OXSR1: variants seen among roughly 807,000 people sequenced by gnomAD.
OXSR1 encodes the protein oxidative stress responsive kinase 1, also known as serine/threonine-protein kinase OSR1.
Under a neutral mutation model 79.8 loss-of-function variants are expected in OXSR1, and 24 were observed. That is an observed-to-expected ratio of 0.30 (90% CI 0.22 to 0.42). The LOEUF (loss-of-function observed/expected upper bound fraction) is 0.42, where lower values mean the gene tolerates loss of function less well. OXSR1 is among the 10% of genes least tolerant of loss of function. The pLI, the probability that OXSR1 is intolerant of heterozygous loss-of-function variation, is 1.00. For missense variants in OXSR1, 430 were observed against 618.4 expected, an observed-to-expected ratio of 0.70 and a Z score of 3.23; for synonymous variants, 226 against 209.2, an observed-to-expected ratio of 1.08 and a Z score of -0.69.
intron 1 of OXSR1, among the ~76,000 whole-genome samples, chr3:38,174,554 C>G (rs1340131796): frequency 3.3e-5 from 5 of 152,056 alleles, no homozygotes; most frequent in Non-Finnish European, 7.4e-5. Context: ...TGCACTCCAG[C>G]CTGGGTGACA....
At chr3:38,185,118 T>C (rs1701859607) in intron 2 of OXSR1, among the ~76,000 whole-genome samples, 1 of 150,414 alleles carries the variant, frequency 6.6e-6, no homozygotes, top group South Asian at 2.1e-4. Flanking sequence ...TAAGACTCCA[T>C]CTCTGAAAAA....
intron 10 of OXSR1, among the ~76,000 whole-genome samples, chr3:38,236,358 G>A (rs942061952): frequency 2.0e-5 from 3 of 152,042 alleles, no homozygotes. Context: ...TGAGTTGAAA[G>A]TGGTTGCCAG....
chr3:38,209,515 C>T (rs915305444), intron 4 of OXSR1, among the ~76,000 whole-genome samples: 9 of 152,106 alleles, frequency 5.9e-5, no homozygotes, highest in African/African-American at 1.7e-4. Context: ...CCTTCTGCCT[C>T]GGCCTTCCAA....
intron 11 of OXSR1, among the ~76,000 whole-genome samples, chr3:38,241,186 A>G (rs35593310): frequency 0.015 from 2,281 of 152,302 alleles, 30 homozygotes; most frequent in Non-Finnish European, 0.021. Context: ...GCAGATGAAC[A>G]TGGGATACAG....
chr3:38,169,970 G>A (rs1210459099), intron 1 of OXSR1, among the ~76,000 whole-genome samples: 2 of 151,152 alleles, frequency 1.3e-5, no homozygotes, highest in African/African-American at 4.9e-5. Flanking sequence ...TCGCTCAAGC[G>A]ATCTGCCTGC....
chr3:38,206,343 G>C (rs901695565), intron 4 of OXSR1, among the ~76,000 whole-genome samples: 4 of 152,066 alleles, frequency 2.6e-5, no homozygotes, highest in Admixed American at 6.5e-5. Flanking sequence ...CTTTTGAAAT[G>C]GCAGCATTTT....
At chr3:38,249,266 C>T (rs552182651) in intron 14 of OXSR1, among the ~76,000 whole-genome samples, 1 of 152,208 alleles carries the variant, frequency 6.6e-6, no homozygotes, top group Non-Finnish European at 1.5e-5. Context: ...ACAAAACCTC[C>T]AGGGATCCTG....
intron 13 of OXSR1, among the ~76,000 whole-genome samples, chr3:38,247,317 G>A (rs937678427): frequency 7.2e-5 from 11 of 152,144 alleles, no homozygotes; most frequent in African/African-American, 2.7e-4. Flanking sequence ...CTGCCATATG[G>A]TGCACTGGCA....
At chr3:38,252,187 G>T in intron 16 of OXSR1, 141 bp from the exon 17 acceptor site, 1 of 675,154 alleles carries the variant, frequency 1.5e-6, no homozygotes, top group Non-Finnish European at 2.7e-6. Context: ...CTTTCATTAG[G>T]GGAGTGATTA....
At chr3:38,207,315 A>G (rs1702285045) in intron 4 of OXSR1, among the ~76,000 whole-genome samples, 1 of 152,232 alleles carries the variant, frequency 6.6e-6, no homozygotes, top group Admixed American at 6.5e-5. Flanking sequence ...TAGTCTGGGC[A>G]TAAATGACAT....
At chr3:38,196,746 A>G (rs1464955594) in intron 3 of OXSR1, among the ~76,000 whole-genome samples, 4 of 152,158 alleles carry the variant, frequency 2.6e-5, no homozygotes, top group Admixed American at 2.6e-4. Context: ...CATTTGTTTC[A>G]TCTACCAGAC....
intron 15 of OXSR1, 94 bp from the exon 16 acceptor site, chr3:38,251,309 C>G: frequency 1.0e-6 from 1 of 990,638 alleles, no homozygotes; most frequent in South Asian, 1.3e-5. Flanking sequence ...CCAGCTTGGG[C>G]CTAGCATGGC....
At chr3:38,211,518 T>A (rs1246381393) in intron 4 of OXSR1, among the ~76,000 whole-genome samples, 1 of 152,258 alleles carries the variant, frequency 6.6e-6, no homozygotes, top group Non-Finnish European at 1.5e-5. Context: ...AATTAGGTCT[T>A]AAATGTTTTA....
intron 14 of OXSR1, among the ~76,000 whole-genome samples, chr3:38,247,963 G>A (rs1703178151): frequency 1.3e-5 from 2 of 152,150 alleles, no homozygotes; most frequent in Non-Finnish European, 2.9e-5. Context: ...TTGTTTCTGT[G>A]CTAATTGGTG....
At chr3:38,186,165 A>G (rs1297921874) in intron 2 of OXSR1, among the ~76,000 whole-genome samples, 1 of 152,054 alleles carries the variant, frequency 6.6e-6, no homozygotes, top group Non-Finnish European at 1.5e-5. Context: ...AGAAGAAATA[A>G]TAAGTGAAAA....
At chr3:38,240,010 G>T (rs1702996614) in intron 11 of OXSR1, among the ~76,000 whole-genome samples, 1 of 152,176 alleles carries the variant, frequency 6.6e-6, no homozygotes, top group African/African-American at 2.4e-5. Flanking sequence ...GCAGAGGTGG[G>T]GTTGTTTCAG....
chr3:38,165,138 G>A (rs1001161408), upstream of OXSR1: 7 of 152,274 alleles, frequency 4.6e-5, no homozygotes, highest in African/African-American at 1.7e-4. Flanking sequence ...CCTGGAGGCG[G>A]GACCAATTTA....
chr3:38,198,959 T>C (rs1702114649), intron 4 of OXSR1, 96 bp downstream of exon 4: 3 of 1,017,126 alleles, frequency 2.9e-6, no homozygotes, highest in African/African-American at 1.6e-5. Flanking sequence ...TCATAGCTCT[T>C]TGTATCACTA....
At chr3:38,245,740 C>G (rs1703127579) in intron 12 of OXSR1, among the ~76,000 whole-genome samples, 1 of 152,122 alleles carries the variant, frequency 6.6e-6, no homozygotes, top group Non-Finnish European at 1.5e-5. Context: ...TAACTATAGG[C>G]ATGAGAGGAC....
Sources: allele counts gnomAD v4.1 joint callset (sites outside exome capture counted in the v4.1 genomes callset), GRCh38; gene constraint gnomAD v4.1.1; transcripts MANE v1.5; gene names NCBI Gene and HGNC (gene_info 2026-07-23, HGNC 2026-07-21).